The following INCENP variants were observed in gnomAD, a reference collection of about 807,000 sequenced individuals.
INCENP encodes inner centromere protein.
In INCENP, 43 loss-of-function variants were observed where a neutral mutation model predicts 107.3. That is an observed-to-expected ratio of 0.40 (90% CI 0.31 to 0.52). The LOEUF is 0.52. INCENP is among the 20% of genes least tolerant of loss of function. The pLI is 0.53. For synonymous variants in INCENP, 488 were observed against 494.4 expected, an observed-to-expected ratio of 0.99 and a Z score of 0.17; for missense variants, 1,089 against 1,250.9, an observed-to-expected ratio of 0.87 and a Z score of 1.95.
Position 62,152,981 on chromosome 11 carries a change from T to C in INCENP, c.*1005T>C, listed in dbSNP as rs1244325760. ...CCAGCCACAGTCGGTTCTTTAAAGT[T>C]TTATCGAAACACAAGCAATGGAAAT... On this transcript the variant is annotated 3_prime_UTR_variant, in exon 19 of 19. Coordinates refer to ENST00000394818, the MANE Select transcript of INCENP (RefSeq NM_001040694.2). 1 of 152,230 alleles carries C rather than the reference T, an allele frequency of 6.6e-6. No homozygotes were observed. The highest frequency in any genetic ancestry group is 1.5e-5 in the Non-Finnish European group (1 of 68,048). The allele number at this position is 152,230 out of a possible 1,614,324, so 9.4% of individuals were successfully genotyped here. A position where few individuals can be genotyped will look rare whatever the true frequency, so the allele number is the denominator to read the frequency against.
intron 1 of INCENP, among the ~76,000 whole-genome samples, chr11:62,126,491 C>G (rs1030754890): frequency 2.2e-4 from 33 of 152,138 alleles, no homozygotes; most frequent in Non-Finnish European, 5.9e-5. Flanking sequence ...CCACCGTGCC[C>G]GGCCAGTTCT....
At chr11:62,145,500 C>G (rs1944222081) in intron 13 of INCENP, 129 bp from the exon 14 acceptor site, 4 of 1,346,748 alleles carry the variant, frequency 3.0e-6, no homozygotes, top group Non-Finnish European at 4.0e-6. Context: ...TTCTGGTGTC[C>G]TCTCCCTGGG....
chr11:62,144,571 C>A (rs750306615), intron 11 of INCENP, among the ~76,000 whole-genome samples: 1 of 152,124 alleles, frequency 6.6e-6, no homozygotes, highest in Non-Finnish European at 1.5e-5. Context: ...TCTGCACCAC[C>A]CCCTTACTAG....
chr11:62,132,822 AGAG>A (rs537664883), intron 4 of INCENP, among the ~76,000 whole-genome samples: 5 of 152,150 alleles, frequency 3.3e-5, no homozygotes, highest in African/African-American at 1.2e-4. Context: ...TGGAGGAGAG[AGAG>A]GAGGATACAG....
intron 4 of INCENP, among the ~76,000 whole-genome samples, chr11:62,135,391 C>A (rs945134292): frequency 6.6e-6 from 1 of 152,010 alleles, no homozygotes; most frequent in East Asian, 1.9e-4. Flanking sequence ...CTCAGCCTCC[C>A]GAGTAGCTGG....
intron 14 of INCENP, 115 bp from the exon 15 acceptor site, chr11:62,146,542 GT>G: frequency 6.9e-7 from 1 of 1,453,384 alleles, no homozygotes; most frequent in Non-Finnish European, 9.2e-7. Flanking sequence ...CCATTCCTGG[GT>G]TGTCCGTGGT....
At chr11:62,145,900 C>T (rs1944233153) in intron 14 of INCENP, 149 bp downstream of exon 14, 2 of 990,352 alleles carry the variant, frequency 2.0e-6, no homozygotes, top group Admixed American at 3.0e-5. Context: ...CCAGAAGTCT[C>T]CAGGGCGGGG....
chr11:62,151,520 G>A (rs1944371937), intron 18 of INCENP, among the ~76,000 whole-genome samples: 2 of 152,240 alleles, frequency 1.3e-5, no homozygotes, highest in South Asian at 2.1e-4. Flanking sequence ...GGTTCAAGGA[G>A]TGCCTGGCTC....
intron 15 of INCENP, among the ~76,000 whole-genome samples, chr11:62,147,698 G>A (rs911782463): frequency 6.6e-6 from 1 of 152,172 alleles, no homozygotes; most frequent in African/African-American, 2.4e-5. Context: ...GGTGGCTTCA[G>A]GTTTATCAGA....
intron 4 of INCENP, among the ~76,000 whole-genome samples, chr11:62,135,707 T>G (rs114771220): frequency 2.0e-4 from 31 of 152,350 alleles, no homozygotes; most frequent in African/African-American, 7.5e-4. Flanking sequence ...GCACATTTGT[T>G]TTCTGACCTC....
Position 62,146,832 on chromosome 11 carries a change from CG to C in INCENP, c.2136del (p.Arg713AlafsTer78). 5 of 1,547,246 alleles carry C rather than the reference CG, an allele frequency of 3.2e-6. No individual in the cohort carries two copies. The highest frequency in any genetic ancestry group is 4.4e-6 in the Non-Finnish European group (5 of 1,145,488). ...RREQERREQERREQERQLAEQ... is the reference protein window; with the variant it reads ...RREQERREQEXREQERQLAEQ... The stretch of plus-strand genomic sequence containing the variant: ...CGAGCAGGAGCGGCGGGAGCAGGAG[CG>C]GCGCGAGCAGGAGCGACAGCTGGCA... On this transcript the variant is annotated frameshift_variant, in exon 15 of 19. Transcript: ENST00000394818. LOFTEE classifies it high-confidence loss of function.
chr11:62,128,313 C>T lies in INCENP; in HGVS notation c.140+12C>T. ...CGCATGTTCACCAGGTGAAGACGGG[C>T]ACAGTGAGAGGCTGGGAACACCAGG... On this transcript the variant is annotated intron_variant, in intron 2 of 18. Coordinates refer to ENST00000394818, the MANE Select transcript of INCENP (RefSeq NM_001040694.2). 6.2e-7 allele frequency: 1 copy of T among 1,613,922 alleles called. No individual in the cohort carries two copies. The highest frequency in any genetic ancestry group is 1.3e-5 in the African/African-American group (1 of 75,046).
At chr11:62,136,173 A>C (rs1943990080) in intron 4 of INCENP, among the ~76,000 whole-genome samples, 1 of 152,200 alleles carries the variant, frequency 6.6e-6, no homozygotes, top group Non-Finnish European at 1.5e-5. Flanking sequence ...ACTTGTGAAA[A>C]AATGTCTTCC....
In INCENP at chr11:62,141,029, G is replaced by A; in HGVS notation, c.1578G>A (p.Leu526=). ...CCTTTATTAAGCGCAACACTCCCCT[G>A]CGCATGGACCCCAAGGTGAGGGGCC... The part of the protein sequence containing the change: ...MKSFIKRNTP[L]RMDPKCSFVE... The change falls in exon 10 of 19, where the codon CTG becomes CTA. Residue 526 remains leucine, a synonymous_variant. Transcript: ENST00000394818. The A allele has an allele frequency of 6.2e-7, 1 of 1,613,752 alleles. No individual in the cohort carries two copies.
intron 14 of INCENP, among the ~76,000 whole-genome samples, chr11:62,146,199 A>G (rs1944239388): frequency 6.6e-6 from 1 of 152,172 alleles, no homozygotes; most frequent in African/African-American, 2.4e-5. Flanking sequence ...ACCTCTTCCC[A>G]GCCAGTCTTA....
At position 62,128,405 on chromosome 11, in the gene INCENP, G is replaced by A. The variant is rs1416365957; in HGVS notation, c.140+104G>A. 2.3e-6 allele frequency: 3 copies of A among 1,315,442 alleles called. No individual in the cohort carries two copies. The East Asian group carries it at 7.1e-5, about 31-fold the overall frequency. 81.5% of individuals were successfully genotyped at this position (1,315,442 alleles called of 1,614,324 possible). On this transcript the variant is annotated intron_variant, in intron 2 of 18. Coordinates refer to ENST00000394818, the MANE Select transcript of INCENP (RefSeq NM_001040694.2). ...TCGTCCCCGCCTACCTGGCAAAACA[G>A]ACAGCCTGTCAGGGCTCCCTGCTGT...
chr11:62,139,018 G>A lies in INCENP; in HGVS notation c.1291+13G>A. On this transcript the variant is annotated intron_variant, in intron 7 of 18. Transcript: ENST00000394818. ...GCAGGGCAGCAAGGTGAGGCTTCCT[G>A]ACCTGCCGTGTGCAGTGCCCGGAGC... 2 of 1,584,560 alleles carry A rather than the reference G, an allele frequency of 1.3e-6. No homozygotes were observed. The highest frequency in any genetic ancestry group is 1.7e-6 in the Non-Finnish European group (2 of 1,153,586).
chr11:62,130,178 A>C lies in INCENP; in HGVS notation c.651A>C (p.Glu217Asp), dbSNP rs201925711. 17 of 1,614,008 alleles carry C rather than the reference A, an allele frequency of 1.1e-5. No individual in the cohort carries two copies. In the East Asian group the frequency reaches 3.1e-4, roughly 30 times the overall value. ...AGGGCATCCCGACATCAGATGAGGA[A>C]TCAACACCTAAGAAGTCGAAGGCCA... Reference protein sequence around the residue: ...TSQGIPTSDEESTPKKSKARI... With the variant: ...TSQGIPTSDEDSTPKKSKARI... Residue 217 changes from glutamate to aspartate, a missense_variant, in exon 4 of 19, where the codon GAA becomes GAC. Glu to Asp is a conservative substitution (Grantham distance 45). Coordinates refer to ENST00000394818, the MANE Select transcript of INCENP (RefSeq NM_001040694.2).
chr11:62,140,507 T>C (rs1944091875), intron 8 of INCENP, among the ~76,000 whole-genome samples, 197 bp from the exon 9 acceptor site: 2 of 152,176 alleles, frequency 1.3e-5, no homozygotes, highest in Admixed American at 6.5e-5. Flanking sequence ...CTTAGTGTGG[T>C]CTCCTGGCCA....
Sources: gnomAD v4.1 joint callset for allele counts (sites outside exome capture counted in the v4.1 genomes callset) on GRCh38, gnomAD v4.1.1 for gene constraint, MANE v1.5 for transcripts, NCBI Gene and HGNC (gene_info 2026-07-23, HGNC 2026-07-21) for gene names.